Variants in ADGRV1 observed in about 807,000 individuals in gnomAD.
The protein encoded by ADGRV1 is adhesion G protein-coupled receptor V1.
A neutral mutation model predicts 596.2 loss-of-function variants in ADGRV1; 359 were observed. That is an observed-to-expected ratio of 0.60 (90% CI 0.55 to 0.66). The LOEUF is 0.66. ADGRV1 is among the 30% of genes least tolerant of loss of function. The probability of loss-of-function intolerance (pLI) is 0.00; values close to 1 mark genes in which losing one functional copy is unlikely to be tolerated. For missense variants in ADGRV1, 7,274 were observed against 7,575.6 expected, an observed-to-expected ratio of 0.96 and a Z score of 1.48; for synonymous variants, 2,681 against 2,679.2, an observed-to-expected ratio of 1.00 and a Z score of -0.02.
At chr5:90,589,029 G>T (rs545757849) in intron 1 of ADGRV1, among the ~76,000 whole-genome samples, 3 of 152,068 alleles carry the variant, frequency 2.0e-5, no homozygotes, top group Non-Finnish European at 4.4e-5. Flanking sequence ...TGTCTTTCAA[G>T]AAACACAAAG....
chr5:91,102,124 A>G (rs565220887), intron 86 of ADGRV1, 95 bp from the exon 87 acceptor site: 469 of 1,116,674 alleles, frequency 4.2e-4, no homozygotes, highest in Non-Finnish European at 5.5e-4. Flanking sequence ...CAAAATGGGC[A>G]CTAGAATACC....
At position 91,147,176 on chromosome 5, in the gene ADGRV1, TAAAAAAAAAAAA is replaced by T. The variant is rs57619661; in HGVS notation, c.18433-2842_18433-2831del. 4.3e-3 allele frequency among the ~76,000 whole-genome samples: 438 copies of T among 100,826 alleles called. 1 individual carries two copies. In the South Asian group the frequency reaches 0.044, roughly 10 times the overall value. 66.1% of individuals were successfully genotyped at this position (100,826 alleles called of 152,430 possible). ...TGGGTGACACAGCAAGACCTTGTCT[TAAAAAAAAAAAA>T]AAAAAAAAAAAGATTTGTTAGTGAG... On this transcript the variant is annotated intron_variant, in intron 87 of 89. Transcript: ENST00000405460.
At position 90,840,877 on chromosome 5, in the gene ADGRV1, G is replaced by A; in HGVS notation, c.16911G>A (p.Gln5637=). ...GGGGGCTTGCAGATCAGCTACATCA[G>A]CCTGTGAATGATGATATTCTCAACA... ...AIWGLADQLH[Q]PVNDDILNRV... is the part of the protein sequence containing the mutation. Residue 5637 remains glutamine, a synonymous_variant, in exon 78 of 90, where the codon CAG becomes CAA. Coordinates refer to ENST00000405460, the MANE Select transcript of ADGRV1 (RefSeq NM_032119.4). The A allele has an allele frequency of 6.2e-7, 1 of 1,605,530 alleles. No homozygotes were observed. The highest frequency in any genetic ancestry group is 2.2e-5 in the East Asian group (1 of 44,806).
chr5:90,731,201 A>G (rs543433338), intron 50 of ADGRV1, among the ~76,000 whole-genome samples: 3 of 152,304 alleles, frequency 2.0e-5, no homozygotes, highest in African/African-American at 7.2e-5. Context: ...GCTTACAGTC[A>G]TGGCAGAAGG....
At position 90,747,462 on chromosome 5, in the gene ADGRV1, G is replaced by C. The variant is rs554301516; in HGVS notation, c.10974+1667G>C. Among the ~76,000 whole-genome samples the C allele has an allele frequency of 1.4e-4, 22 of 152,216 alleles. No homozygotes were observed. The East Asian group carries it at 4.2e-3, about 29-fold the overall frequency. On this transcript the variant is annotated intron_variant, in intron 52 of 89. Transcript: ENST00000405460. ...GAATACAAAATAAAATCATTGAAGG[G>C]AAAAAGCTCATGGGGTGTAAAGTCC...
intron 85 of ADGRV1, among the ~76,000 whole-genome samples, chr5:91,012,324 G>A (rs747650625): frequency 3.3e-5 from 5 of 151,868 alleles, no homozygotes; most frequent in Non-Finnish European, 5.9e-5. Flanking sequence ...AACAACTTAC[G>A]CTTTCCTTTC....
chr5:90,790,758 G>C (rs1482239582), intron 69 of ADGRV1, 115 bp from the exon 70 acceptor site: 12 of 679,698 alleles, frequency 1.8e-5, no homozygotes, highest in Non-Finnish European at 2.2e-5. Context: ...TTTGAATATA[G>C]TGATGCACAA....
intron 76 of ADGRV1, among the ~76,000 whole-genome samples, chr5:90,827,403 C>T (rs1764157460): frequency 6.6e-6 from 1 of 152,100 alleles, no homozygotes; most frequent in Admixed American, 6.6e-5. Flanking sequence ...TATGTAGGCA[C>T]CCATCTTTAC....
At position 90,614,981 on chromosome 5, in the gene ADGRV1, A is replaced by G; in HGVS notation, c.169A>G (p.Arg57Gly). ...AACAGTTATTCGTCTTATCATTGAA[A>G]GGATAGGAGAGCCAGCAAATGTTAC... ...STTVIRLIIERIGEPANVTAI... is the reference protein window; with the variant it reads ...STTVIRLIIEGIGEPANVTAI... The change falls in exon 2 of 90, where the codon AGG (arginine) becomes GGG (glycine). Residue 57 changes from arginine (R) to glycine (G), a missense_variant. By Grantham distance (125) the Arg-to-Gly change is moderately radical. Coordinates refer to ENST00000405460, the MANE Select transcript of ADGRV1 (RefSeq NM_032119.4). 1 of 1,517,212 alleles carries G rather than the reference A, an allele frequency of 6.6e-7. No individual in the cohort carries two copies. Among genetic ancestry groups the G allele is most frequent in the Non-Finnish European group, 8.9e-7 (1 of 1,127,868 alleles). The allele number at this position is 1,517,212 out of a possible 1,614,324, so 94.0% of individuals were successfully genotyped here.
intron 87 of ADGRV1, among the ~76,000 whole-genome samples, chr5:91,128,103 C>T (rs1304178544): frequency 6.6e-6 from 1 of 151,810 alleles, no homozygotes; most frequent in African/African-American, 2.4e-5. Context: ...CCCTCCCTCT[C>T]TCTGCCTCCT....
At chr5:90,661,954 T>G (rs1422435070) in intron 21 of ADGRV1, among the ~76,000 whole-genome samples, 1 of 152,218 alleles carries the variant, frequency 6.6e-6, no homozygotes, top group African/African-American at 2.4e-5. Flanking sequence ...GTCAGAAATA[T>G]CTAATGCTTA....
chr5:90,604,957 TA>T (rs1761891413), intron 1 of ADGRV1, among the ~76,000 whole-genome samples: 1 of 152,180 alleles, frequency 6.6e-6, no homozygotes, highest in Admixed American at 6.5e-5. Context: ...GCTCTGGAAT[TA>T]AAGCTTCTCT....
At chr5:90,673,625 T>G (rs769032034) in intron 22 of ADGRV1, among the ~76,000 whole-genome samples, 3 of 152,102 alleles carry the variant, frequency 2.0e-5, no homozygotes, top group Non-Finnish European at 4.4e-5. Context: ...TTCAAAGATA[T>G]GGTGCCTTCT....
chr5:90,639,165 T>G (rs1302601219), intron 11 of ADGRV1, among the ~76,000 whole-genome samples: 1 of 151,972 alleles, frequency 6.6e-6, no homozygotes, highest in Non-Finnish European at 1.5e-5. Flanking sequence ...GACTCGATCT[T>G]AAGAAAAGGT....
At chr5:90,702,125 A>G (rs1441404255) in intron 34 of ADGRV1, among the ~76,000 whole-genome samples, 1 of 151,080 alleles carries the variant, frequency 6.6e-6, no homozygotes, top group Non-Finnish European at 1.5e-5. Context: ...AATATTCCAA[A>G]CTTGCTCTAT....
At chr5:90,817,061 T>A (rs936843678) in intron 75 of ADGRV1, among the ~76,000 whole-genome samples, 2 of 152,222 alleles carry the variant, frequency 1.3e-5, no homozygotes, top group Non-Finnish European at 2.9e-5. Flanking sequence ...CTCCACACCC[T>A]TTCCAGCACC....
intron 21 of ADGRV1, among the ~76,000 whole-genome samples, chr5:90,669,291 C>T (rs1223743636): frequency 6.6e-6 from 1 of 152,140 alleles, no homozygotes; most frequent in Non-Finnish European, 1.5e-5. Flanking sequence ...GCTGCATTCT[C>T]CTCTTCTGTC....
chr5:90,657,202 G>T (rs182979898), intron 20 of ADGRV1, among the ~76,000 whole-genome samples: 1 of 150,716 alleles, frequency 6.6e-6, no homozygotes, highest in African/African-American at 2.4e-5. Flanking sequence ...TGGGAGGATC[G>T]CTTGAGGCCA....
chr5:90,761,963 T>G (rs759530465), intron 58 of ADGRV1, among the ~76,000 whole-genome samples: 60 of 152,186 alleles, frequency 3.9e-4, no homozygotes, highest in Non-Finnish European at 7.8e-4. Context: ...GTGCACACAA[T>G]AAACATTCTG....
Sources: gnomAD v4.1 joint callset for allele counts (sites outside exome capture counted in the v4.1 genomes callset) on GRCh38, gnomAD v4.1.1 for gene constraint, MANE v1.5 for transcripts, NCBI Gene and HGNC (gene_info 2026-07-23, HGNC 2026-07-21) for gene names.